CDH12: variants seen among roughly 807,000 people sequenced by gnomAD.
The protein encoded by CDH12 is cadherin-12.
A neutral mutation model predicts 74.1 loss-of-function variants in CDH12; 41 were observed. That is an observed-to-expected ratio of 0.55 (90% confidence interval 0.43 to 0.72). The LOEUF (loss-of-function observed/expected upper bound fraction) is 0.72, where lower values mean the gene tolerates loss of function less well. Ranked by LOEUF, CDH12 falls within the 30% of genes least tolerant of loss-of-function variation. CDH12 has a pLI of 0.00. For synonymous variants in CDH12, 399 were observed against 355.0 expected (o/e 1.12, Z -1.39); for missense variants, 945 against 977.2 (o/e 0.97, Z 0.44).
intron 6 of CDH12, among the ~76,000 whole-genome samples, chr5:21,906,472 C>G (rs547598641): frequency 9.2e-5 from 14 of 152,288 alleles, no homozygotes; most frequent in Middle Eastern, 3.4e-3. Flanking sequence ...CCACATTACT[C>G]TTAAGGGAAG....
intron 5 of CDH12, among the ~76,000 whole-genome samples, chr5:22,061,451 A>C (rs879891974): frequency 1.3e-5 from 2 of 152,174 alleles, no homozygotes; most frequent in Non-Finnish European, 2.9e-5. Context: ...ATAGGTTTGA[A>C]TGGTATAACC....
At chr5:22,162,259 T>C (rs1748394897) in intron 4 of CDH12, among the ~76,000 whole-genome samples, 1 of 152,174 alleles carries the variant, frequency 6.6e-6, no homozygotes, top group African/African-American at 2.4e-5. Context: ...AATCTTTATA[T>C]AGTGTGCTAG....
At chr5:21,937,301 T>C (rs145767080) in intron 6 of CDH12, among the ~76,000 whole-genome samples, 2,789 of 152,234 alleles carry the variant, frequency 0.018, 36 homozygotes, top group Middle Eastern at 0.048. Context: ...AGAAAGAGAA[T>C]AGTGTGATTA....
chr5:22,511,858 G>A (rs1384021047), intron 1 of CDH12, among the ~76,000 whole-genome samples: 1 of 151,916 alleles, frequency 6.6e-6, no homozygotes, highest in Non-Finnish European at 1.5e-5. Context: ...ATAAGTAATT[G>A]CTTACATAAT....
chr5:22,397,077 G>A (rs1003025402), intron 3 of CDH12, among the ~76,000 whole-genome samples: 2 of 151,902 alleles, frequency 1.3e-5, no homozygotes, highest in African/African-American at 4.8e-5. Context: ...TGGGAATTTG[G>A]CCACCTCCTA....
At chr5:22,579,979 G>T (rs1561504977) in intron 1 of CDH12, among the ~76,000 whole-genome samples, 2 of 152,174 alleles carry the variant, frequency 1.3e-5, no homozygotes, top group East Asian at 3.9e-4. Flanking sequence ...CTTGCTACAT[G>T]CTCTGGCCTC....
At chr5:22,486,834 T>C (rs1746623529) in intron 2 of CDH12, among the ~76,000 whole-genome samples, 2 of 152,184 alleles carry the variant, frequency 1.3e-5, no homozygotes, top group South Asian at 2.1e-4. Context: ...TTATGGGTAA[T>C]TATGATGATA....
chr5:22,630,428 T>A (rs527461924), intron 1 of CDH12, among the ~76,000 whole-genome samples: 7 of 152,218 alleles, frequency 4.6e-5, no homozygotes, highest in Admixed American at 4.6e-4. Flanking sequence ...AACAGCATGG[T>A]ACTGGTATGA....
At chr5:22,014,616 G>C (rs972149938) in intron 5 of CDH12, among the ~76,000 whole-genome samples, 19 of 152,056 alleles carry the variant, frequency 1.2e-4, no homozygotes, top group African/African-American at 4.6e-4. Flanking sequence ...GGACAAATCA[G>C]TGTTAATGAC....
At chr5:22,387,105 A>G (rs1482113839) in intron 3 of CDH12, among the ~76,000 whole-genome samples, 2 of 151,978 alleles carry the variant, frequency 1.3e-5, no homozygotes, top group Non-Finnish European at 2.9e-5. Context: ...TCTTTTCTAC[A>G]AACTGATGAA....
At chr5:22,828,731 T>C (rs938175007) in intron 1 of CDH12, among the ~76,000 whole-genome samples, 8 of 152,156 alleles carry the variant, frequency 5.3e-5, no homozygotes, top group African/African-American at 9.7e-5. Context: ...AGAAAATCAA[T>C]GGCTTCTCCA....
At chr5:22,099,634 G>T (rs1384234038) in intron 4 of CDH12, among the ~76,000 whole-genome samples, 2 of 152,016 alleles carry the variant, frequency 1.3e-5, no homozygotes, top group African/African-American at 4.8e-5. Flanking sequence ...ACTCATAAAT[G>T]CCCTGCTCTT....
chr5:22,614,680 G>C (rs1737599650), intron 1 of CDH12, among the ~76,000 whole-genome samples: 1 of 152,082 alleles, frequency 6.6e-6, no homozygotes, highest in African/African-American at 2.4e-5. Context: ...TGTGGTGGGG[G>C]CTTTTGGTGT....
At chr5:22,332,602 C>G (rs375701982) in intron 3 of CDH12, among the ~76,000 whole-genome samples, 1 of 152,048 alleles carries the variant, frequency 6.6e-6, no homozygotes, top group Non-Finnish European at 1.5e-5. Flanking sequence ...CTACACGGAA[C>G]TTAAACATAT....
At chr5:22,627,056 G>T (rs1304933881) in intron 1 of CDH12, among the ~76,000 whole-genome samples, 3 of 151,962 alleles carry the variant, frequency 2.0e-5, no homozygotes, top group Non-Finnish European at 4.4e-5. Flanking sequence ...AAACGAACAA[G>T]AAAAACAAAA....
chr5:21,943,238 A>T (rs958451096), intron 6 of CDH12, among the ~76,000 whole-genome samples: 1 of 151,914 alleles, frequency 6.6e-6, no homozygotes, highest in East Asian at 2.0e-4. Flanking sequence ...GCAATGTGAA[A>T]ATGGATTAAT....
At chr5:22,798,058 C>G (rs976521131) in intron 1 of CDH12, among the ~76,000 whole-genome samples, 1 of 152,116 alleles carries the variant, frequency 6.6e-6, no homozygotes, top group Non-Finnish European at 1.5e-5. Context: ...AATTTTTTCG[C>G]CTTCCTACTC....
At chr5:21,933,522 A>C (rs184552190) in intron 6 of CDH12, among the ~76,000 whole-genome samples, 1 of 152,206 alleles carries the variant, frequency 6.6e-6, no homozygotes, top group Admixed American at 6.5e-5. Flanking sequence ...AAGTGGGAGG[A>C]AGGTTTATTT....
intron 4 of CDH12, among the ~76,000 whole-genome samples, chr5:22,148,602 G>A (rs1329745482): frequency 6.6e-6 from 1 of 152,084 alleles, no homozygotes; most frequent in Non-Finnish European, 1.5e-5. Flanking sequence ...GTTTGGGCCA[G>A]AAGTCAGAAA....
Sources: allele counts gnomAD v4.1 joint callset (sites outside exome capture counted in the v4.1 genomes callset), GRCh38; gene constraint gnomAD v4.1.1; transcripts MANE v1.5; gene names NCBI Gene and HGNC (gene_info 2026-07-23, HGNC 2026-07-21).